The following PTPN1 variants were observed in gnomAD, a reference collection of about 807,000 sequenced individuals.
The protein encoded by PTPN1 is protein tyrosine phosphatase non-receptor type 1.
Under a neutral mutation model 59.9 loss-of-function variants are expected in PTPN1, and 12 were observed. The observed-to-expected ratio is 0.20, with a 90% CI of 0.13 to 0.32. The LOEUF (loss-of-function observed/expected upper bound fraction) is 0.32, where lower values mean the gene tolerates loss of function less well. Ranked by LOEUF, PTPN1 falls within the 10% of genes least tolerant of loss-of-function variation. The pLI is 1.00. For missense variants in PTPN1, 356 were observed against 549.2 expected (o/e 0.65, Z 3.52); for synonymous variants, 178 against 203.6 (o/e 0.87, Z 1.07).
rs2082872271 is a variant in PTPN1, at chr20:50,582,216, C to T, written c.1285-476C>T. 6.6e-6 allele frequency among the ~76,000 whole-genome samples: 1 copy of T among 152,248 alleles called. No homozygotes were observed. Among genetic ancestry groups the T allele is most frequent in the Non-Finnish European group, 1.5e-5 (1 of 68,044 alleles). On this transcript the variant is annotated intron_variant, in intron 9 of 9. Transcript: ENST00000371621. The surrounding 1 kb of genome is among the most constrained non-coding windows in gnomAD (Gnocchi z 4.2). ...GTACCAGCCCTCATCACCCCATCCCCATAAATGGGTGTCCTCGAGGCCTCT... is the reference window on the plus strand; with the variant it reads ...GTACCAGCCCTCATCACCCCATCCCTATAAATGGGTGTCCTCGAGGCCTCT...
At chr20:50,578,376 C>A in intron 5 of PTPN1, 44 bp from the exon 6 acceptor site, 2 of 1,491,874 alleles carry the variant, frequency 1.3e-6, no homozygotes, top group Non-Finnish European at 1.9e-6. Context: ...GATTTCTGTA[C>A]AGATGATTCT....
intron 8 of PTPN1, among the ~76,000 whole-genome samples, chr20:50,580,362 C>G (rs2082861117): frequency 6.6e-6 from 1 of 152,124 alleles, no homozygotes; most frequent in Non-Finnish European, 1.5e-5. Context: ...ATTTTACTTC[C>G]TTGCAGGTTA....
rs527441942 is a variant in PTPN1, at chr20:50,538,390, A to G, written c.64-22973A>G. 2.6e-5 allele frequency among the ~76,000 whole-genome samples: 4 copies of G among 152,268 alleles called. 1 individual carries two copies. The South Asian group carries it at 8.3e-4, about 32-fold the overall frequency. ...AAAAAAATGTAGAAACAGGAGATAA[A>G]ACGGCCAAGGGGCTATACAAGCAAA... On this transcript the variant is annotated intron_variant, in intron 1 of 9. Coordinates refer to ENST00000371621, the MANE Select transcript of PTPN1 (RefSeq NM_002827.4).
At chr20:50,533,332 G>T (rs1240334302) in intron 1 of PTPN1, among the ~76,000 whole-genome samples, 2 of 152,092 alleles carry the variant, frequency 1.3e-5, no homozygotes, top group Non-Finnish European at 2.9e-5. Context: ...TCTTATTTAA[G>T]ATTAGTTTTC....
At chr20:50,576,970 T>C (rs186223574) in intron 5 of PTPN1, among the ~76,000 whole-genome samples, 1 of 152,328 alleles carries the variant, frequency 6.6e-6, no homozygotes, top group East Asian at 1.9e-4. Context: ...TCTTCTTCTT[T>C]AATGTCATTA....
At chr20:50,573,804 G>A (rs1257970247) in intron 4 of PTPN1, 1 of 152,114 alleles carries the variant, frequency 6.6e-6, no homozygotes, top group Non-Finnish European at 1.5e-5. Context: ...CTAAATTCGA[G>A]TCAGTTTTTG....
intron 1 of PTPN1, among the ~76,000 whole-genome samples, chr20:50,544,764 G>A (rs2082667544): frequency 6.6e-6 from 1 of 152,134 alleles, no homozygotes; most frequent in Non-Finnish European, 1.5e-5. Flanking sequence ...TCACACTTTG[G>A]GAGGCTGAGG....
chr20:50,548,277 GATT>G (rs2122760503), intron 1 of PTPN1, among the ~76,000 whole-genome samples: 1 of 152,108 alleles, frequency 6.6e-6, no homozygotes, highest in African/African-American at 2.4e-5. Context: ...AAATTTTCAT[GATT>G]ATTCATTTAT....
intron 1 of PTPN1, among the ~76,000 whole-genome samples, chr20:50,510,854 C>T (rs1377588490): frequency 6.6e-6 from 1 of 151,962 alleles, no homozygotes; most frequent in African/African-American, 2.4e-5. Context: ...GCCGGGGGAC[C>T]GCCGGTCTGT....
At chr20:50,550,817 T>G (rs539526673) in intron 1 of PTPN1, among the ~76,000 whole-genome samples, 2 of 152,358 alleles carry the variant, frequency 1.3e-5, no homozygotes, top group East Asian at 3.9e-4. Flanking sequence ...CTTCTTCACT[T>G]AGCAGATAGC....
chr20:50,581,415 G>A lies in PTPN1; in HGVS notation c.1239G>A (p.Met413Ile). The A allele has an allele frequency of 6.2e-7, 1 of 1,613,850 alleles. No homozygotes were observed. The highest frequency in any genetic ancestry group is 8.5e-7 in the Non-Finnish European group (1 of 1,179,688). Residue 413 changes from methionine to isoleucine, a missense_variant, in exon 9 of 10, where the codon ATG becomes ATA. Physicochemically the swap from Met to Ile is conservative, Grantham distance 10 (BLOSUM62 1). Around this residue, in one of 3 missense-constraint regions of PTPN1, gnomAD observed 62 missense variants for 97.2 expected, o/e 0.64. Transcript: ENST00000371621. ...ACTGGAAGCCCTTCCTGGTCAACATGTGCGTGGCTACGGTCCTCACGGCCG... is the reference window on the plus strand; with the variant it reads ...ACTGGAAGCCCTTCCTGGTCAACATATGCGTGGCTACGGTCCTCACGGCCG... ...LSYWKPFLVN[M>I]CVATVLTAGA...
intron 1 of PTPN1, chr20:50,557,685 G>GA (rs1194838534): frequency 6.6e-6 from 1 of 152,188 alleles, no homozygotes; most frequent in Admixed American, 6.5e-5. Flanking sequence ...TTTTTAAAGA[G>GA]ATGGGGTCTT....
At chr20:50,537,541 T>G (rs2082629482) in intron 1 of PTPN1, among the ~76,000 whole-genome samples, 2 of 152,236 alleles carry the variant, frequency 1.3e-5, no homozygotes, top group Admixed American at 1.3e-4. Flanking sequence ...TTTTCAATAC[T>G]CTTTTATTAT....
At chr20:50,529,003 G>A (rs1456418053) in intron 1 of PTPN1, among the ~76,000 whole-genome samples, 1 of 152,160 alleles carries the variant, frequency 6.6e-6, no homozygotes, top group Non-Finnish European at 1.5e-5. Context: ...AGAACTGTGT[G>A]TAATGCTTGG....
intron 1 of PTPN1, among the ~76,000 whole-genome samples, chr20:50,548,722 T>G (rs781721962): frequency 6.6e-5 from 10 of 152,118 alleles, no homozygotes; most frequent in Non-Finnish European, 1.2e-4. Flanking sequence ...GTTTATTTAT[T>G]TATTCTAATT....
chr20:50,523,387 G>A (rs2082559696), intron 1 of PTPN1, among the ~76,000 whole-genome samples: 1 of 152,164 alleles, frequency 6.6e-6, no homozygotes, highest in South Asian at 2.1e-4. Context: ...GACAAAACCA[G>A]CTCAGTGTTT....
intron 4 of PTPN1, chr20:50,572,083 T>C (rs1184378900): frequency 6.6e-6 from 1 of 152,240 alleles, no homozygotes; most frequent in Non-Finnish European, 1.5e-5. Flanking sequence ...TCATAGGTTT[T>C]CCAAACACCA....
intron 1 of PTPN1, among the ~76,000 whole-genome samples, chr20:50,550,257 A>G (rs1211521827): frequency 6.6e-6 from 1 of 152,238 alleles, no homozygotes; most frequent in Non-Finnish European, 1.5e-5. Flanking sequence ...AACAACCCGA[A>G]CAATCAAATT....
rs1250785943 is a variant in PTPN1, at chr20:50,579,291, G to A, written c.826G>A (p.Glu276Lys). 2 of 1,614,244 alleles carry A rather than the reference G, an allele frequency of 1.2e-6. No individual in the cohort carries two copies. The highest frequency in any genetic ancestry group is 1.7e-6 in the Non-Finnish European group (2 of 1,180,036). The change falls in exon 7 of 10, where the codon GAA becomes AAA. Residue 276 changes from glutamate to lysine, a missense_variant. By Grantham distance (56) the Glu-to-Lys change is moderately conservative (BLOSUM62 1). Around this residue, in one of 3 missense-constraint regions of PTPN1, gnomAD observed 194 missense variants for 344.2 expected, o/e 0.56. Transcript: ENST00000371621. ...QLRFSYLAVI[E>K]GAKFIMGDSS... ...GCGCTTCTCCTACCTGGCTGTGATC[G>A]AAGGTGCCAAATTCATCATGGGGGA...
Sources: gnomAD v4.1 joint callset for allele counts (sites outside exome capture counted in the v4.1 genomes callset) on GRCh38, gnomAD v4.1.1 for gene constraint, gnomAD v4.1.1 regional missense constraint, Gnocchi (gnomAD v3.1) non-coding constraint, MANE v1.5 for transcripts, NCBI Gene and HGNC (gene_info 2026-07-23, HGNC 2026-07-21) for gene names.